IDO2: variants seen among roughly 807,000 people sequenced by gnomAD.
IDO2 encodes indoleamine 2,3-dioxygenase 2, also known as indoleamine 2,3-dioxygenase-like 1 protein.
In IDO2, 46 loss-of-function variants were observed where a neutral mutation model predicts 45.1. The ratio of observed to expected loss-of-function variants is 1.02; its 90% confidence interval spans 0.80 to 1.30. The LOEUF is 1.30. IDO2 is among the 50% of genes most tolerant of loss of function. IDO2 has a pLI of 0.00. For synonymous variants in IDO2, 218 were observed against 184.9 expected, an observed-to-expected ratio of 1.18 and a Z score of -1.45; for missense variants, 544 against 491.8, an observed-to-expected ratio of 1.11 and a Z score of -1.00.
chr8:39,985,794 A>G (rs970448740), intron 6 of IDO2: 2 of 350,034 alleles, frequency 5.7e-6, no homozygotes, highest in African/African-American at 4.3e-5. Flanking sequence ...TGCAAACAAA[A>G]CAAAATGAAA....
intron 3 of IDO2, among the ~76,000 whole-genome samples, chr8:39,967,021 A>G (rs1808094947): frequency 6.6e-6 from 1 of 152,184 alleles, no homozygotes; most frequent in African/African-American, 2.4e-5. Flanking sequence ...GAAATAAAAA[A>G]CCACACACAT....
At chr8:39,940,958 G>A (rs569248527) in intron 1 of IDO2, among the ~76,000 whole-genome samples, 50 of 150,766 alleles carry the variant, frequency 3.3e-4, no homozygotes, top group African/African-American at 1.2e-3. Context: ...GGCTGGGCGC[G>A]GTAGGTCATG....
At chr8:39,972,098 A>C (rs1209580141) in intron 3 of IDO2, among the ~76,000 whole-genome samples, 1 of 152,016 alleles carries the variant, frequency 6.6e-6, no homozygotes, top group Non-Finnish European at 1.5e-5. Context: ...GCGTGGGCCA[A>C]CACCCCGGCT....
chr8:39,995,497 G>A (rs1489580076), intron 8 of IDO2, among the ~76,000 whole-genome samples: 3 of 151,820 alleles, frequency 2.0e-5, no homozygotes, highest in Admixed American at 2.0e-4. Flanking sequence ...GGCCAGGCTA[G>A]TCTCTAACTC....
intron 2 of IDO2, among the ~76,000 whole-genome samples, chr8:39,954,019 C>A (rs988072120): frequency 3.3e-5 from 5 of 152,168 alleles, no homozygotes; most frequent in African/African-American, 1.2e-4. Flanking sequence ...AACTTAATAA[C>A]CCTTTCTGCA....
chr8:39,989,746 T>A, exon 8 of IDO2: 1 of 1,599,076 alleles, frequency 6.3e-7, no homozygotes, highest in Admixed American at 1.7e-5. Context: ...ACGAATGCTA[T>A]CTTGCAGCCC....
intron 8 of IDO2, among the ~76,000 whole-genome samples, chr8:39,999,023 G>A (rs1164340370): frequency 1.3e-5 from 2 of 152,084 alleles, no homozygotes; most frequent in East Asian, 3.9e-4. Flanking sequence ...TCTAGTGAGT[G>A]TCTGCTGGTG....
At chr8:39,936,967 C>G (rs1807562323) in intron 1 of IDO2, among the ~76,000 whole-genome samples, 1 of 152,174 alleles carries the variant, frequency 6.6e-6, no homozygotes, top group Non-Finnish European at 1.5e-5. Context: ...GGAAAGACAT[C>G]TTTTAAAAGA....
rs1163351612 is a variant in IDO2, at chr8:39,995,264, C to T, written c.667+5426C>T. 3 of 106,312 alleles carry T rather than the reference C, an allele frequency of 2.8e-5. No individual in the cohort carries two copies. The Admixed American group carries it at 3.2e-4, about 11-fold the overall frequency. The allele number at this position is 106,312 out of a possible 1,614,324, so 6.6% of individuals were successfully genotyped here. On this transcript the variant is annotated intron_variant, in intron 8 of 10. Transcript: ENST00000502986. ...CCTTCTCCTTCTCCTTCTTCTTCTT[C>T]CTCTTCTTCTTCTTCTTCTTCTTCT... is the stretch of plus-strand genomic sequence containing the variant.
At chr8:39,994,520 G>T (rs1802001182) in intron 8 of IDO2, among the ~76,000 whole-genome samples, 1 of 152,204 alleles carries the variant, frequency 6.6e-6, no homozygotes, top group East Asian at 1.9e-4. Flanking sequence ...GCCTCCCAAA[G>T]TGCTGGGATT....
chr8:39,952,671 T>C (rs1216556776), intron 2 of IDO2, among the ~76,000 whole-genome samples: 1 of 152,110 alleles, frequency 6.6e-6, no homozygotes, highest in Non-Finnish European at 1.5e-5. Context: ...TAATTTTTCT[T>C]TAGACATGGA....
intron 2 of IDO2, among the ~76,000 whole-genome samples, chr8:39,953,792 T>C (rs889636688): frequency 6.6e-6 from 1 of 152,162 alleles, no homozygotes; most frequent in African/African-American, 2.4e-5. Context: ...CTCGAACCCC[T>C]GACCTCAAGT....
intron 5 of IDO2, chr8:39,984,830 T>C (rs7001170): frequency 0.027 from 10,053 of 378,308 alleles, 930 homozygotes; most frequent in African/African-American, 0.2. Context: ...CAGAACTTGA[T>C]GTAAGGCAAA....
At chr8:39,972,332 T>C (rs563817737) in intron 3 of IDO2, among the ~76,000 whole-genome samples, 39 of 152,244 alleles carry the variant, frequency 2.6e-4, no homozygotes, top group African/African-American at 4.8e-4. Context: ...GAAGTTCTAC[T>C]GGGTGCCGAG....
At position 39,963,717 on chromosome 8, in the gene IDO2, C is replaced by T. The variant is rs369344257; in HGVS notation, c.195+14C>T. ...CATGTGGACAAGGTATTCTTCTCTT[C>T]ACCCCCTCATCACATTCTGTTTTCA... On this transcript the variant is annotated intron_variant, in intron 3 of 10. Transcript: ENST00000502986. The T allele has an allele frequency of 6.1e-6, 9 of 1,468,232 alleles. No individual in the cohort carries two copies. The highest frequency in any genetic ancestry group is 8.5e-6 in the Non-Finnish European group (9 of 1,054,268). The allele number at this position is 1,468,232 out of a possible 1,614,324, so 91.0% of individuals were successfully genotyped here.
chr8:39,999,807 A>G (rs1275334164), intron 8 of IDO2, among the ~76,000 whole-genome samples: 1 of 152,216 alleles, frequency 6.6e-6, no homozygotes, highest in Non-Finnish European at 1.5e-5. Flanking sequence ...GGATGAGAAG[A>G]AAGGTCAATT....
At chr8:39,940,723 C>T (rs561333448) in intron 1 of IDO2, among the ~76,000 whole-genome samples, 36 of 152,166 alleles carry the variant, frequency 2.4e-4, no homozygotes, top group African/African-American at 8.2e-4. Flanking sequence ...ACCAACCTCT[C>T]CCTGTCCCTC....
chr8:39,962,146 T>A (rs1316166160), intron 2 of IDO2, among the ~76,000 whole-genome samples: 3 of 152,204 alleles, frequency 2.0e-5, no homozygotes, highest in Non-Finnish European at 4.4e-5. Context: ...TCACTGAAAT[T>A]CGGACTATGT....
At chr8:39,961,787 T>C (rs993401408) in intron 2 of IDO2, among the ~76,000 whole-genome samples, 2 of 152,226 alleles carry the variant, frequency 1.3e-5, no homozygotes, top group Non-Finnish European at 2.9e-5. Flanking sequence ...TGCATTTCTG[T>C]TTCAATTCTT....
Sources: gnomAD v4.1 joint callset for allele counts (sites outside exome capture counted in the v4.1 genomes callset) on GRCh38, gnomAD v4.1.1 for gene constraint, MANE v1.5 for transcripts, NCBI Gene and HGNC (gene_info 2026-07-23, HGNC 2026-07-21) for gene names.